Variants in USP37 observed in about 807,000 individuals in gnomAD.
USP37 encodes the protein ubiquitin specific peptidase 37, also known as ubiquitin carboxyl-terminal hydrolase 37.
In USP37, 27 loss-of-function variants were observed where a neutral mutation model predicts 124.0. The ratio of observed to expected loss-of-function variants is 0.22; its 90% CI spans 0.16 to 0.30. The LOEUF (loss-of-function observed/expected upper bound fraction) is 0.30. Ranked by LOEUF, USP37 falls within the 10% of genes least tolerant of loss-of-function variation. The pLI, the probability that USP37 is intolerant of heterozygous loss-of-function variation, is 1.00. For synonymous variants in USP37, 365 were observed against 388.0 expected (o/e 0.94, Z 0.70); for missense variants, 889 against 1,140.4 (o/e 0.78, Z 3.17).
Position 218,561,077 on chromosome 2 carries a change from C to G in USP37, c.-88-194G>C, listed in dbSNP as rs190589638. ...ATAGAGTCCATTAATGTTTATAGAA[C>G]TGTCTGTTAACATGACATTTGGCTC... On this transcript the variant is annotated intron_variant, in intron 2 of 25. Transcript: ENST00000258399. 1.6e-3 allele frequency among the ~76,000 whole-genome samples: 248 copies of G among 152,306 alleles called. 1 individual carries two copies. Among genetic ancestry groups the G allele is most frequent in the Non-Finnish European group, 2.4e-3 (165 of 68,034 alleles).
At chr2:218,477,349 T>C (rs1691035332) in intron 18 of USP37, among the ~76,000 whole-genome samples, 1 of 152,252 alleles carries the variant, frequency 6.6e-6, no homozygotes, top group South Asian at 2.1e-4. Flanking sequence ...TAATTTGTGA[T>C]CTTTTAAATT....
intron 10 of USP37, among the ~76,000 whole-genome samples, chr2:218,525,561 A>G (rs1016509584): frequency 6.6e-6 from 1 of 152,216 alleles, no homozygotes; most frequent in African/African-American, 2.4e-5. Context: ...AGTTTTTGAT[A>G]CTGTTACTCT....
At chr2:218,511,821 G>A (rs570031600) in intron 10 of USP37, among the ~76,000 whole-genome samples, 105 of 144,172 alleles carry the variant, frequency 7.3e-4, no homozygotes, top group Admixed American at 2.0e-3. Context: ...TTTGTATCTC[G>A]TTTAAGATTT....
intron 3 of USP37, 73 bp downstream of exon 3, chr2:218,560,747 A>C (rs1693264496): frequency 6.6e-6 from 1 of 151,954 alleles, no homozygotes; most frequent in South Asian, 2.1e-4. Flanking sequence ...CGTTTATGTA[A>C]AACTGTCCAT....
At position 218,454,713 on chromosome 2, in the gene USP37, A is replaced by G; in HGVS notation, c.*217T>C. ...ACAAAAGAAGTGCCACTCATAGGAG[A>G]AAAAGAGGATAATCAGCTACGGATG... is the stretch of plus-strand genomic sequence containing the variant. On this transcript the variant is annotated 3_prime_UTR_variant, in exon 26 of 26. Transcript: ENST00000258399. 1.1e-6 allele frequency: 1 copy of G among 884,690 alleles called. No individual in the cohort carries two copies. 54.8% of individuals were successfully genotyped at this position (884,690 alleles called of 1,614,324 possible).
chr2:218,490,634 G>A (rs942235865), intron 14 of USP37, among the ~76,000 whole-genome samples: 5 of 152,000 alleles, frequency 3.3e-5, no homozygotes, highest in African/African-American at 7.3e-5. Context: ...TTGATTCAAC[G>A]AACATTTACT....
At chr2:218,528,753 T>C in intron 10 of USP37, 3 of 385,270 alleles carry the variant, frequency 7.8e-6, no homozygotes, top group Middle Eastern at 3.3e-4. Context: ...GATCACATGT[T>C]CTCAACAAGT....
chr2:218,495,854 C>G lies in USP37; in HGVS notation c.1378G>C (p.Glu460Gln). ...TWKTEPVSGE[E>Q]NSPDISATRA... Reference sequence around the variant, plus strand: ...GTAGCTGAAATATCTGGTGAATTTTCTTCTCCAGAAACAGGTTCAGTCTTC... The same window carrying G: ...GTAGCTGAAATATCTGGTGAATTTTGTTCTCCAGAAACAGGTTCAGTCTTC... The change falls in exon 14 of 26, where the codon GAA (glutamate) becomes CAA (glutamine). Residue 460 changes from glutamate (E) to glutamine (Q), a missense_variant. Glu to Gln is a conservative substitution (Grantham distance 29). This residue lies in a region of USP37 where 504 missense variants were observed against 714.3 expected (regional missense o/e 0.71). Coordinates refer to ENST00000258399, the MANE Select transcript of USP37 (RefSeq NM_020935.3). 1 of 1,613,954 alleles carries G rather than the reference C, an allele frequency of 6.2e-7. No individual in the cohort carries two copies. Among genetic ancestry groups the G allele is most frequent in the Non-Finnish European group, 8.5e-7 (1 of 1,179,984 alleles).
chr2:218,512,453 A>T (rs1214499777), intron 10 of USP37, among the ~76,000 whole-genome samples: 2 of 152,162 alleles, frequency 1.3e-5, no homozygotes, highest in Non-Finnish European at 2.9e-5. Flanking sequence ...GGTTGCAGTG[A>T]GCTGAGATCA....
chr2:218,487,320 A>G (rs1691629652), intron 15 of USP37, among the ~76,000 whole-genome samples: 2 of 152,250 alleles, frequency 1.3e-5, no homozygotes, highest in African/African-American at 4.8e-5. Flanking sequence ...TATTCTGCAG[A>G]TCTTAGGATA....
chr2:218,548,359 A>AT (rs1181811451), intron 6 of USP37, among the ~76,000 whole-genome samples: 5 of 151,414 alleles, frequency 3.3e-5, no homozygotes, highest in African/African-American at 1.2e-4. Flanking sequence ...ATATATATTT[A>AT]AGACAGAGTC....
intron 5 of USP37, among the ~76,000 whole-genome samples, chr2:218,551,365 T>C (rs1417807299): frequency 6.6e-6 from 1 of 152,252 alleles, no homozygotes; most frequent in Non-Finnish European, 1.5e-5. Flanking sequence ...CTAGCTATTC[T>C]AATAACGCCA....
intron 22 of USP37, among the ~76,000 whole-genome samples, chr2:218,461,283 G>GGATT (rs1690003824): frequency 6.6e-6 from 1 of 152,216 alleles, no homozygotes; most frequent in Admixed American, 6.5e-5. Flanking sequence ...CGAGGCAGGT[G>GGATT]GATTACCTGA....
At chr2:218,526,995 A>G (rs112241774) in intron 10 of USP37, among the ~76,000 whole-genome samples, 45,447 of 151,488 alleles carry the variant, frequency 0.3, 7,858 homozygotes, top group Non-Finnish European at 0.39. Flanking sequence ...TCACCGTGTT[A>G]GCCAGGATGG....
chr2:218,568,244 G>A lies in USP37; in HGVS notation c.-296C>T, dbSNP rs557320145. 2 of 152,498 alleles carry A rather than the reference G, an allele frequency of 1.3e-5. No homozygotes were observed. Among genetic ancestry groups the A allele is most frequent in the South Asian group, 2.0e-4 (1 of 4,892 alleles). The allele number at this position is 152,498 out of a possible 1,614,324, so 9.4% of individuals were successfully genotyped here. ...GCACGGAGCCCGCGAGGAGTGGGAG[G>A]AGCCGAGGGTAATGGAAGTAGGGAT... On this transcript the variant is annotated 5_prime_UTR_variant, in exon 1 of 26. Coordinates refer to ENST00000258399, the MANE Select transcript of USP37 (RefSeq NM_020935.3).
intron 20 of USP37, among the ~76,000 whole-genome samples, chr2:218,472,701 G>A (rs901873326): frequency 2.0e-5 from 3 of 151,982 alleles, no homozygotes; most frequent in African/African-American, 4.8e-5. Context: ...CCTGATCTCA[G>A]GTGATTCACC....
At position 218,549,878 on chromosome 2, in the gene USP37, A is replaced by C; in HGVS notation, c.360T>G (p.Phe120Leu). 1 of 1,612,540 alleles carries C rather than the reference A, an allele frequency of 6.2e-7. No homozygotes were observed. Among genetic ancestry groups the C allele is most frequent in the Non-Finnish European group, 8.5e-7 (1 of 1,179,356 alleles). Residue 120 changes from phenylalanine to leucine, a missense_variant, in exon 6 of 26, where the codon TTT (phenylalanine) becomes TTG (leucine). Physicochemically the swap from Phe to Leu is conservative, Grantham distance 22. This residue lies in a region of USP37 where 374 missense variants were observed against 386.0 expected (regional missense o/e 0.97). Coordinates refer to ENST00000258399, the MANE Select transcript of USP37 (RefSeq NM_020935.3). Reference sequence around the variant, plus strand: ...AGGTCCTGCTGCCCAGAATGGCTCCAAAACTACCAGACCCCTGAGACGGTT... The same window carrying C: ...AGGTCCTGCTGCCCAGAATGGCTCCCAAACTACCAGACCCCTGAGACGGTT... The part of the protein sequence containing the change: ...AMKPSQGSGS[F>L]GAILGSRTSQ...
rs1177888825 is a variant in USP37 at position 218,452,522 on chromosome 2, G to T, written c.*2408C>A. On this transcript the variant is annotated 3_prime_UTR_variant, in exon 26 of 26. Transcript: ENST00000258399. The stretch of plus-strand genomic sequence containing the variant: ...AAGGAGAAGGCTGATAGGGCCACAA[G>T]AATGGACAGACATCAAGTAAAATTT... 6.6e-6 allele frequency: 1 copy of T among 152,144 alleles called. No homozygotes were observed. The highest frequency in any genetic ancestry group is 6.6e-5 in the Admixed American group (1 of 15,266). 9.4% of individuals were successfully genotyped at this position (152,144 alleles called of 1,614,324 possible). A position where few individuals can be genotyped will look rare whatever the true frequency, so the allele number is the denominator to read the frequency against.
At chr2:218,466,284 T>C in intron 20 of USP37, 108 bp from the exon 21 acceptor site, 3 of 1,241,190 alleles carry the variant, frequency 2.4e-6, no homozygotes, top group East Asian at 4.9e-5. Flanking sequence ...ATTTCATCTA[T>C]AATTTGCTTA....
Sources: allele counts gnomAD v4.1 joint callset (sites outside exome capture counted in the v4.1 genomes callset), GRCh38; gene constraint gnomAD v4.1.1; regional missense constraint gnomAD v4.1.1; transcripts MANE v1.5; gene names NCBI Gene and HGNC (gene_info 2026-07-23, HGNC 2026-07-21).